Variants in PRICKLE2 observed in about 807,000 individuals in gnomAD.
The protein encoded by PRICKLE2 is prickle planar cell polarity protein 2.
In PRICKLE2, 21 loss-of-function variants were observed where a neutral mutation model predicts 81.4. The ratio of observed to expected loss-of-function variants is 0.26; its 90% confidence interval spans 0.18 to 0.37. The LOEUF (loss-of-function observed/expected upper bound fraction) is 0.37. Ranked by LOEUF, PRICKLE2 falls within the 10% of genes least tolerant of loss-of-function variation. The pLI, the probability that PRICKLE2 is intolerant of heterozygous loss-of-function variation, is 1.00. For synonymous variants in PRICKLE2, 456 were observed against 421.5 expected, an observed-to-expected ratio of 1.08 and a Z score of -1.00; for missense variants, 940 against 1,109.0, an observed-to-expected ratio of 0.85 and a Z score of 2.16.
intron 2 of PRICKLE2, among the ~76,000 whole-genome samples, chr3:64,261,114 A>C (rs1053285087): frequency 3.9e-5 from 6 of 152,192 alleles, no homozygotes; most frequent in Non-Finnish European, 7.3e-5. Flanking sequence ...ACAGACCTCC[A>C]CAAGGGGCAA....
At position 64,251,524 on chromosome 3, in the gene PRICKLE2, G is replaced by T. The variant is rs71300706; in HGVS notation, c.129-52557C>A. Reference sequence around the variant, plus strand: ...TAAGATGACAAATCCTGATACAGCCGACTTTGACAAAAAAGGGAAAATTTC... The same window carrying T: ...TAAGATGACAAATCCTGATACAGCCTACTTTGACAAAAAAGGGAAAATTTC... On this transcript the variant is annotated intron_variant, in intron 2 of 8. Transcript: ENST00000295902. Among the ~76,000 whole-genome samples the T allele has an allele frequency of 3.2e-3, 480 of 152,232 alleles. 2 individuals are homozygous for T. Among genetic ancestry groups the T allele is most frequent in the Middle Eastern group, 6.8e-3 (2 of 294 alleles).
At chr3:64,244,419 C>T (rs939388440) in intron 2 of PRICKLE2, among the ~76,000 whole-genome samples, 3 of 152,168 alleles carry the variant, frequency 2.0e-5, no homozygotes, top group South Asian at 2.1e-4. Flanking sequence ...TAATTAGTCT[C>T]TCACTTGAAA....
At chr3:64,166,559 T>C (rs2077836266) in intron 2 of PRICKLE2, among the ~76,000 whole-genome samples, 1 of 152,204 alleles carries the variant, frequency 6.6e-6, no homozygotes, top group Non-Finnish European at 1.5e-5. Context: ...TTTTGTCAAC[T>C]TTTATAATTC....
intron 2 of PRICKLE2, among the ~76,000 whole-genome samples, chr3:64,264,818 G>A (rs1010215211): frequency 1.3e-5 from 2 of 152,196 alleles, no homozygotes; most frequent in African/African-American, 2.4e-5. Flanking sequence ...TCACGTATAC[G>A]CTCCCTGTGG....
At chr3:64,223,606 G>A (rs2078988454) in intron 1 of PRICKLE2, among the ~76,000 whole-genome samples, 1 of 152,184 alleles carries the variant, frequency 6.6e-6, no homozygotes, top group South Asian at 2.1e-4. Context: ...GCCCGATGGA[G>A]CCAGTATGTT....
Position 64,225,332 on chromosome 3 carries a change from G to C in PRICKLE2, c.-463C>G. The C allele has an allele frequency of 1.0e-6, 1 of 985,366 alleles. No individual in the cohort carries two copies. Among genetic ancestry groups the C allele is most frequent in the Admixed American group, 6.1e-5 (1 of 16,274 alleles). 61.0% of individuals were successfully genotyped at this position (985,366 alleles called of 1,614,324 possible). On this transcript the variant is annotated 5_prime_UTR_variant, in exon 1 of 8. Coordinates refer to ENST00000638394, the MANE Select transcript of PRICKLE2 (RefSeq NM_198859.4). Reference sequence around the variant, plus strand: ...CAGCCCAGCGTCACCAGCTGATCCTGAGCCAGACCCGGGGTGACTAGTCAG... The same window carrying C: ...CAGCCCAGCGTCACCAGCTGATCCTCAGCCAGACCCGGGGTGACTAGTCAG...
In PRICKLE2 at chr3:64,133,193, C is replaced by T. The variant is rs957216179; in HGVS notation, c.1660+13637G>A. On this transcript the variant is annotated intron_variant, in intron 7 of 7. Transcript: ENST00000638394. ...GAAGGCAGAAAGTGACAGAGGAAGC[C>T]ACCTGCTTCTTAGGTAGTCCTAACT... Among the ~76,000 whole-genome samples the T allele has an allele frequency of 4.6e-5, 7 of 152,252 alleles. No homozygotes were observed. The East Asian group carries it at 1.4e-3, about 29-fold the overall frequency.
At chr3:64,251,749 T>C (rs1308111698) in intron 2 of PRICKLE2, among the ~76,000 whole-genome samples, 2 of 152,220 alleles carry the variant, frequency 1.3e-5, no homozygotes, top group African/African-American at 2.4e-5. Context: ...AATCTGCATC[T>C]GGGCCCCTTG....
At chr3:64,239,379 A>T (rs989290782) in intron 2 of PRICKLE2, among the ~76,000 whole-genome samples, 5 of 152,154 alleles carry the variant, frequency 3.3e-5, no homozygotes, top group Non-Finnish European at 7.4e-5. Flanking sequence ...GGGGAGACAT[A>T]TTCTGCAATA....
Position 64,098,902 on chromosome 3 carries a change from C to G in PRICKLE2, c.*149G>C. On this transcript the variant is annotated 3_prime_UTR_variant, in exon 8 of 8. Coordinates refer to ENST00000638394, the MANE Select transcript of PRICKLE2 (RefSeq NM_198859.4). ...GAACTGTGACTACCTATTGAGTCAA[C>G]CTGTAACCTTGCCTCCATCTACTGA... 3 of 824,330 alleles carry G rather than the reference C, an allele frequency of 3.6e-6. No individual in the cohort carries two copies. Among genetic ancestry groups the G allele is most frequent in the Admixed American group, 1.9e-5 (1 of 51,878 alleles). The allele number at this position is 824,330 out of a possible 1,614,324, so 51.1% of individuals were successfully genotyped here.
chr3:64,121,554 T>A (rs2077028314), intron 7 of PRICKLE2, among the ~76,000 whole-genome samples: 1 of 142,428 alleles, frequency 7.0e-6, no homozygotes, highest in Non-Finnish European at 1.6e-5. Context: ...AAAAAAAAAA[T>A]CAGTGAAACA....
At chr3:64,160,476 C>G (rs1442893064) in intron 3 of PRICKLE2, among the ~76,000 whole-genome samples, 1 of 152,192 alleles carries the variant, frequency 6.6e-6, no homozygotes, top group African/African-American at 2.4e-5. Flanking sequence ...TCCATGTGCC[C>G]ATGCAAGTGA....
chr3:64,210,506 G>A (rs2078767905), intron 1 of PRICKLE2, among the ~76,000 whole-genome samples: 1 of 152,122 alleles, frequency 6.6e-6, no homozygotes, highest in Admixed American at 6.5e-5. Context: ...ACACTGCCTG[G>A]TCCTATCCAA....
chr3:64,129,399 T>G (rs1331246257), intron 7 of PRICKLE2, among the ~76,000 whole-genome samples: 1 of 152,218 alleles, frequency 6.6e-6, no homozygotes, highest in Non-Finnish European at 1.5e-5. Context: ...CTTGGAAGGC[T>G]TCACAGCTGT....
chr3:64,247,115 C>G (rs2079369906), intron 2 of PRICKLE2, among the ~76,000 whole-genome samples: 1 of 152,180 alleles, frequency 6.6e-6, no homozygotes, highest in African/African-American at 2.4e-5. Flanking sequence ...TAGCAACTGG[C>G]CGAGCTGCCC....
intron 7 of PRICKLE2, among the ~76,000 whole-genome samples, chr3:64,133,563 C>G (rs1032136488): frequency 2.0e-5 from 3 of 151,672 alleles, no homozygotes; most frequent in African/African-American, 7.3e-5. Context: ...AATGGGAATT[C>G]TCTGTGAAGT....
chr3:64,198,803 G>C lies in PRICKLE2; in HGVS notation c.125C>G (p.Pro42Arg). 1.2e-6 allele frequency: 2 copies of C among 1,614,074 alleles called. No homozygotes were observed. Among genetic ancestry groups the C allele is most frequent in the Non-Finnish European group, 1.7e-6 (2 of 1,180,012 alleles). Residue 42 changes from proline to arginine, a missense_variant, in exon 2 of 8, where the codon CCG becomes CGG. Around this residue, in one of 2 missense-constraint regions of PRICKLE2, gnomAD observed 270 missense variants for 391.8 expected, o/e 0.69. Coordinates refer to ENST00000638394, the MANE Select transcript of PRICKLE2 (RefSeq NM_198859.4). Reference sequence around the variant, plus strand: ...TGGTACCTGTTCAGGCTTCAGACCCGGCGGGACCCAGGCATACTCTTCCAA... The same window carrying C: ...TGGTACCTGTTCAGGCTTCAGACCCCGCGGGACCCAGGCATACTCTTCCAA... ...CALEEYAWVPPGLKPEQVHQY... is the reference protein window; with the variant it reads ...CALEEYAWVPRGLKPEQVHQY...
chr3:64,159,556 T>C (rs933005094), intron 4 of PRICKLE2, among the ~76,000 whole-genome samples: 2 of 152,156 alleles, frequency 1.3e-5, no homozygotes, highest in African/African-American at 2.4e-5. Context: ...TCTAAGCCGG[T>C]CATTCCTTCT....
chr3:64,250,078 A>G (rs762691792), intron 2 of PRICKLE2, among the ~76,000 whole-genome samples: 33 of 152,154 alleles, frequency 2.2e-4, no homozygotes, highest in Non-Finnish European at 4.0e-4. Context: ...CAAAGCAAGC[A>G]CTGGTCTCAC....
Sources: allele counts gnomAD v4.1 joint callset (sites outside exome capture counted in the v4.1 genomes callset), GRCh38; gene constraint gnomAD v4.1.1; regional missense constraint gnomAD v4.1.1; transcripts MANE v1.5; gene names NCBI Gene and HGNC (gene_info 2026-07-23, HGNC 2026-07-21).